GJB7: variants seen among roughly 807,000 people sequenced by gnomAD.
GJB7 encodes the protein gap junction beta-7 protein.
For missense variants in GJB7, 253 were observed against 256.8 expected (o/e 0.99, Z 0.10); for synonymous variants, 87 against 95.2 (o/e 0.91, Z 0.50).
intron 2 of GJB7, among the ~76,000 whole-genome samples, chr6:87,301,742 C>A (rs1256238372): frequency 6.6e-6 from 1 of 152,228 alleles, no homozygotes; most frequent in African/African-American, 2.4e-5. Context: ...TCAAGTGGGA[C>A]CCTGACCCCG....
At chr6:87,305,815 G>C (rs1776417598) in intron 2 of GJB7, among the ~76,000 whole-genome samples, 1 of 152,154 alleles carries the variant, frequency 6.6e-6, no homozygotes, top group Non-Finnish European at 1.5e-5. Context: ...CATGGTACTG[G>C]TACCAAAACA....
chr6:87,296,907 C>G (rs1341973835), intron 2 of GJB7, among the ~76,000 whole-genome samples: 1 of 152,162 alleles, frequency 6.6e-6, no homozygotes, highest in Non-Finnish European at 1.5e-5. Context: ...AGGGGCTGAT[C>G]TTTAATAATA....
chr6:87,283,925 A>G lies in GJB7; in HGVS notation c.*316T>C, dbSNP rs930561059. ...CTAATTTGCAATTACCTATTCTAAAACAACTAATGTTATCCACATACTGGA... is the reference window on the plus strand; with the variant it reads ...CTAATTTGCAATTACCTATTCTAAAGCAACTAATGTTATCCACATACTGGA... On this transcript the variant is annotated 3_prime_UTR_variant, in exon 3 of 3. Coordinates refer to ENST00000525899, the MANE Select transcript of GJB7 (RefSeq NM_198568.3). The G allele has an allele frequency of 3.8e-5, 8 of 208,306 alleles. No individual in the cohort carries two copies. Among genetic ancestry groups the G allele is most frequent in the Non-Finnish European group, 6.8e-5 (7 of 103,670 alleles). The allele number at this position is 208,306 out of a possible 1,614,324, so 12.9% of individuals were successfully genotyped here. A position where few individuals can be genotyped will look rare whatever the true frequency, so the allele number is the denominator to read the frequency against.
chr6:87,294,114 C>T (rs1776216575), intron 2 of GJB7, among the ~76,000 whole-genome samples: 1 of 152,098 alleles, frequency 6.6e-6, no homozygotes, highest in Non-Finnish European at 1.5e-5. Flanking sequence ...TAGAAAATAA[C>T]ACCATATTGA....
chr6:87,327,745 T>C (rs1273001350), intron 1 of GJB7, among the ~76,000 whole-genome samples: 1 of 145,902 alleles, frequency 6.9e-6, no homozygotes. Context: ...GGAGTTGCTC[T>C]TCTCGAGGAG....
chr6:87,328,964 T>A (rs1401291996), intron 1 of GJB7, among the ~76,000 whole-genome samples, 174 bp downstream of exon 1: 3 of 152,222 alleles, frequency 2.0e-5, no homozygotes, highest in African/African-American at 4.8e-5. Flanking sequence ...GTGCGCCATT[T>A]TTTAAGCCCG....
At chr6:87,316,789 C>T (rs917483147) in intron 2 of GJB7, among the ~76,000 whole-genome samples, 9 of 152,204 alleles carry the variant, frequency 5.9e-5, no homozygotes, top group African/African-American at 2.2e-4. Context: ...TCTGTTTCTC[C>T]AGTGTCATTT....
At chr6:87,325,067 T>A (rs997120661) in intron 1 of GJB7, among the ~76,000 whole-genome samples, 2 of 150,360 alleles carry the variant, frequency 1.3e-5, no homozygotes, top group African/African-American at 4.8e-5. Flanking sequence ...TTTGGCTCTC[T>A]GTTTGTTGCT....
chr6:87,328,439 G>C (rs897953560), intron 1 of GJB7, among the ~76,000 whole-genome samples: 2 of 151,942 alleles, frequency 1.3e-5, no homozygotes, highest in Admixed American at 6.6e-5. Flanking sequence ...TGGTGTGGAT[G>C]TCCTTTCTGT....
intron 1 of GJB7, among the ~76,000 whole-genome samples, chr6:87,324,725 T>A (rs2127914969): frequency 1.3e-5 from 2 of 152,154 alleles, no homozygotes; most frequent in South Asian, 4.2e-4. Flanking sequence ...CTTTGTTCTT[T>A]TGGCTTAGGA....
chr6:87,321,983 A>T (rs1316558686), intron 2 of GJB7, among the ~76,000 whole-genome samples: 1 of 152,204 alleles, frequency 6.6e-6, no homozygotes, highest in East Asian at 1.9e-4. Context: ...CCCTCCTTCA[A>T]CACAAGGGGG....
intron 2 of GJB7, among the ~76,000 whole-genome samples, chr6:87,297,343 C>G (rs914102290): frequency 1.3e-5 from 2 of 152,282 alleles, no homozygotes; most frequent in Middle Eastern, 3.4e-3. Context: ...ATCAATGTCT[C>G]ATTGCAATTT....
At chr6:87,321,019 G>A (rs1042486308) in intron 2 of GJB7, among the ~76,000 whole-genome samples, 1 of 152,136 alleles carries the variant, frequency 6.6e-6, no homozygotes, top group Admixed American at 6.5e-5. Context: ...AGGAGTTCGA[G>A]ACCAGCCTGA....
chr6:87,318,408 A>G (rs1461001821), intron 2 of GJB7, among the ~76,000 whole-genome samples: 1 of 152,214 alleles, frequency 6.6e-6, no homozygotes, highest in Non-Finnish European at 1.5e-5. Flanking sequence ...AAATACACAT[A>G]TTTAAGTTCA....
chr6:87,286,469 G>A (rs1026775669), intron 2 of GJB7, among the ~76,000 whole-genome samples: 1 of 152,084 alleles, frequency 6.6e-6, no homozygotes, highest in South Asian at 2.1e-4. Flanking sequence ...CTCTCATTAG[G>A]TTCTATTTCC....
chr6:87,295,148 T>C (rs960458655), intron 2 of GJB7, among the ~76,000 whole-genome samples: 2 of 151,676 alleles, frequency 1.3e-5, no homozygotes, highest in Admixed American at 6.6e-5. Context: ...GAGAGAAGTA[T>C]GCATAGATTT....
chr6:87,326,969 T>C (rs1435666513), intron 1 of GJB7, among the ~76,000 whole-genome samples: 3 of 115,828 alleles, frequency 2.6e-5, no homozygotes, highest in Admixed American at 1.6e-4. Flanking sequence ...GGTGCATATA[T>C]ATTTAGGATA....
intron 2 of GJB7, chr6:87,299,949 C>T: frequency 3.1e-6 from 1 of 318,196 alleles, no homozygotes; most frequent in Non-Finnish European, 6.3e-6. Context: ...GCAAAACTTT[C>T]AGATGGAGTA....
intron 2 of GJB7, among the ~76,000 whole-genome samples, chr6:87,308,107 T>G (rs939942586): frequency 2.0e-5 from 3 of 152,058 alleles, no homozygotes; most frequent in Non-Finnish European, 2.9e-5. Flanking sequence ...ACCATCATTC[T>G]CAGCAAACTA....
Sources: gnomAD v4.1 joint callset for allele counts (sites outside exome capture counted in the v4.1 genomes callset) on GRCh38, gnomAD v4.1.1 for gene constraint, MANE v1.5 for transcripts, NCBI Gene and HGNC (gene_info 2026-07-23, HGNC 2026-07-21) for gene names.